TUSC3: variants seen among roughly 807,000 people sequenced by gnomAD.
TUSC3 encodes the protein tumor suppressor candidate 3.
A neutral mutation model predicts 44.8 loss-of-function variants in TUSC3; 45 were observed. That is an observed-to-expected ratio of 1.00 (90% confidence interval 0.79 to 1.29). TUSC3 has a LOEUF of 1.29. TUSC3 is among the 50% of genes most tolerant of loss of function. The pLI, the probability that TUSC3 is intolerant of heterozygous loss-of-function variation, is 0.00. For missense variants in TUSC3, 519 were observed against 437.9 expected (o/e 1.19, Z -1.65); for synonymous variants, 212 against 152.9 (o/e 1.39, Z -2.85).
chr8:15,437,120 T>G (rs1254208287), intron 1 of TUSC3, among the ~76,000 whole-genome samples: 1 of 152,174 alleles, frequency 6.6e-6, no homozygotes, highest in African/African-American at 2.4e-5. Context: ...TGCAGAGACC[T>G]GAAAAGTTCT....
At chr8:15,504,013 CA>C (rs11330340) in intron 2 of TUSC3, among the ~76,000 whole-genome samples, 46,906 of 112,954 alleles carry the variant, frequency 0.42, 7,943 homozygotes, top group Non-Finnish European at 0.46. Context: ...GACTCTGTCT[CA>C]AAAAAAAAAA....
chr8:15,540,517 C>T lies in TUSC3; in HGVS notation c.87C>T (p.Leu29=), dbSNP rs78626330. 282 of 1,607,588 alleles carry T rather than the reference C, an allele frequency of 1.8e-4. No homozygotes were observed. In the African/African-American group the frequency reaches 3.4e-3, roughly 19 times the overall value. The part of the protein sequence containing the change: ...YLPTGSFPFL[L]LLLLLCIQLG... ...CCACCGGGAGCTTTCCCTTCCTTCT[C>T]CTGCTGCTGCTGCTCTGCATCCAGC... Residue 29 remains leucine, a synonymous_variant, in exon 1 of 11, where the codon CTC becomes CTT. Transcript: ENST00000503731.
chr8:15,445,110 T>C (rs1401144392), intron 1 of TUSC3, among the ~76,000 whole-genome samples: 3 of 152,164 alleles, frequency 2.0e-5, no homozygotes, highest in Non-Finnish European at 4.4e-5. Context: ...ACATAGCCCT[T>C]CAACTGCAAA....
chr8:15,494,119 A>G lies in TUSC3; in HGVS notation n.189+10636A>G, dbSNP rs192912493. Reference sequence around the variant, plus strand: ...AGCTGCTCTGCTGTCTGCTGCTGCTATTGTCCTCACAGTCTTTATTTGGCT... The same window carrying G: ...AGCTGCTCTGCTGTCTGCTGCTGCTGTTGTCCTCACAGTCTTTATTTGGCT... On this transcript the variant is annotated intron_variant and non_coding_transcript_variant, in intron 2 of 5. Transcript: ENST00000503191. Among the ~76,000 whole-genome samples, 283 of 152,090 alleles carry G rather than the reference A, an allele frequency of 1.9e-3. 2 individuals carry two copies. Among genetic ancestry groups the G allele is most frequent in the African/African-American group, 6.6e-3 (272 of 41,496 alleles).
chr8:15,832,745 T>C, the TUSC3 span, among the ~76,000 whole-genome samples: 3 of 152,152 alleles, frequency 2.0e-5, no homozygotes, highest in East Asian at 5.8e-4. Context: ...ACTAAATATA[T>C]ATATGCACCC....
At chr8:15,772,942 G>T in the TUSC3 span, among the ~76,000 whole-genome samples, 5 of 43,922 alleles carry the variant, frequency 1.1e-4, no homozygotes, top group Non-Finnish European at 2.5e-4. Flanking sequence ...CATTTAACCA[G>T]ATCTAATACC....
intron 6 of TUSC3, among the ~76,000 whole-genome samples, chr8:15,719,939 G>A (rs1295373670): frequency 8.6e-5 from 13 of 151,958 alleles, no homozygotes; most frequent in Admixed American, 8.6e-4. Flanking sequence ...TGTTTTTGTA[G>A]AGACAAGCTC....
chr8:15,597,798 G>A (rs946812886), intron 1 of TUSC3, among the ~76,000 whole-genome samples: 8 of 151,942 alleles, frequency 5.3e-5, no homozygotes, highest in East Asian at 1.9e-4. Context: ...TAATGATTCC[G>A]TACTTTATCA....
At chr8:15,541,833 A>G (rs1801702234) in intron 1 of TUSC3, among the ~76,000 whole-genome samples, 1 of 151,390 alleles carries the variant, frequency 6.6e-6, no homozygotes, top group Non-Finnish European at 1.5e-5. Context: ...GAGTGAAGAA[A>G]AAGTAGACAG....
chr8:15,735,640 G>C (rs556531753), intron 7 of TUSC3, among the ~76,000 whole-genome samples: 2 of 152,294 alleles, frequency 1.3e-5, no homozygotes, highest in South Asian at 4.1e-4. Context: ...GTGTTTATTT[G>C]TTGTAAATAT....
At chr8:15,461,007 G>A (rs547886805) in intron 1 of TUSC3, among the ~76,000 whole-genome samples, 2 of 152,198 alleles carry the variant, frequency 1.3e-5, no homozygotes, top group South Asian at 2.1e-4. Flanking sequence ...CTTTGGCTGT[G>A]CAGGATCTTT....
At chr8:15,535,538 C>T (rs1270865343), upstream of TUSC3, among the ~76,000 whole-genome samples, 3 of 152,058 alleles carry the variant, frequency 2.0e-5, no homozygotes, top group Non-Finnish European at 4.4e-5. Flanking sequence ...AATTATAGGG[C>T]AGAGGAAGCA....
At chr8:15,515,279 G>A (rs955306905) in intron 2 of TUSC3, among the ~76,000 whole-genome samples, 8 of 152,052 alleles carry the variant, frequency 5.3e-5, no homozygotes, top group African/African-American at 1.7e-4. Context: ...ATCTAGCTCT[G>A]TCAGCTGCCA....
chr8:15,475,109 C>A (rs1406850767), intron 1 of TUSC3, among the ~76,000 whole-genome samples: 1 of 152,086 alleles, frequency 6.6e-6, no homozygotes, highest in Non-Finnish European at 1.5e-5. Context: ...ATAATAACAG[C>A]TAATATTATT....
intron 1 of TUSC3, among the ~76,000 whole-genome samples, chr8:15,427,079 G>GTTTTTTTTTTTT (rs56268327): frequency 7.0e-6 from 1 of 143,210 alleles, no homozygotes; most frequent in Non-Finnish European, 1.5e-5. Context: ...TTTGGTGTTT[G>GTTTTTTTTTTTT]TTTTTTTTTT....
intron 1 of TUSC3, among the ~76,000 whole-genome samples, chr8:15,458,314 C>CT (rs547050090): frequency 4.1e-4 from 63 of 152,310 alleles, no homozygotes; most frequent in Non-Finnish European, 8.1e-4. Context: ...TCACAGCTCA[C>CT]TGCACCCTCG....
intron 2 of TUSC3, among the ~76,000 whole-genome samples, chr8:15,517,664 T>C (rs1801237952): frequency 6.6e-6 from 1 of 151,892 alleles, no homozygotes; most frequent in African/African-American, 2.4e-5. Context: ...TTGTCTTGTA[T>C]TTCAAGTTAT....
rs1417280936 is a variant in TUSC3 at position 15,512,856 on chromosome 8, GTA to G, written n.189+29381_189+29382del. Among the ~76,000 whole-genome samples the G allele has an allele frequency of 2.9e-4, 30 of 104,252 alleles. 1 individual carries two copies. The highest frequency in any genetic ancestry group is 1.3e-3 in the African/African-American group (30 of 22,980). The allele number at this position is 104,252 out of a possible 152,430, so 68.4% of individuals were successfully genotyped here. ...TGTGTATATATATTTGTGTGTGTGT[GTA>G]TATATATGTGTGTGTATATATATAT... On this transcript the variant is annotated intron_variant and non_coding_transcript_variant, in intron 2 of 5. Coordinates refer to the TUSC3 transcript ENST00000503191.
At chr8:15,563,921 C>T (rs1326564531) in intron 1 of TUSC3, among the ~76,000 whole-genome samples, 1 of 152,002 alleles carries the variant, frequency 6.6e-6, no homozygotes, top group Non-Finnish European at 1.5e-5. Context: ...TTTTCCTTTT[C>T]ATGAGGATAT....
Sources: allele counts gnomAD v4.1 joint callset (sites outside exome capture counted in the v4.1 genomes callset), GRCh38; gene constraint gnomAD v4.1.1; transcripts MANE v1.5; gene names NCBI Gene and HGNC (gene_info 2026-07-23, HGNC 2026-07-21).